The following SEMA4F variants were observed in gnomAD, a reference collection of about 807,000 sequenced individuals.
SEMA4F encodes semaphorin-4F.
Under a neutral mutation model 78.4 loss-of-function variants are expected in SEMA4F, and 51 were observed. That is an observed-to-expected ratio of 0.65 (90% CI 0.52 to 0.82). SEMA4F has a LOEUF of 0.82. SEMA4F is among the 40% of genes least tolerant of loss of function. SEMA4F has a pLI of 0.00. For missense variants in SEMA4F, 938 were observed against 1,014.4 expected (o/e 0.92, Z 1.02); for synonymous variants, 418 against 408.7 (o/e 1.02, Z -0.27).
intron 5 of SEMA4F, among the ~76,000 whole-genome samples, chr2:74,665,220 CTCTTTT>C (rs1294780750): frequency 1.3e-5 from 2 of 149,530 alleles, no homozygotes. Context: ...AATTAAATCA[CTCTTTT>C]TCTTTTTTTT....
rs757637185 is a variant in SEMA4F at position 74,656,554 on chromosome 2, C to T, written c.166C>T (p.Arg56Trp). The T allele has an allele frequency of 2.0e-5, 32 of 1,613,824 alleles. No individual in the cohort carries two copies. The highest frequency in any genetic ancestry group is 4.5e-5 in the East Asian group (2 of 44,892). Reference sequence around the variant, plus strand: ...GCCAGAGGCTGACTCCTGTCTCACCCGGTTCGCAGTCCCTCACACATACAA... The same window carrying T: ...GCCAGAGGCTGACTCCTGTCTCACCTGGTTCGCAGTCCCTCACACATACAA... Reference protein sequence around the residue: ...PISEADSCLTRFAVPHTYNYS... With the variant: ...PISEADSCLTWFAVPHTYNYS... The change falls in exon 2 of 14, where the codon CGG (arginine) becomes TGG (tryptophan). Residue 56 changes from arginine to tryptophan, a missense_variant. Arg to Trp is a moderately radical substitution (Grantham distance 101). Transcript: ENST00000357877.
chr2:74,675,163 G>A lies in SEMA4F; in HGVS notation c.1151G>A (p.Cys384Tyr). Residue 384 changes from cysteine (C) to tyrosine (Y), a missense_variant and splice_region_variant, in exon 10 of 14, where the codon TGC (cysteine) becomes TAC (tyrosine). By Grantham distance (194) the Cys-to-Tyr change is radical (BLOSUM62 -2). Coordinates refer to ENST00000357877, the MANE Select transcript of SEMA4F (RefSeq NM_004263.5). ...TCACCAGCCCTGTATTTCCTCTAGT[G>A]CATCACCAACAACATGAAGCTCCGG... The part of the protein sequence containing the change: ...NDVPQPRPGE[C>Y]ITNNMKLRHF... 4 of 1,614,094 alleles carry A rather than the reference G, an allele frequency of 2.5e-6. No homozygotes were observed. The highest frequency in any genetic ancestry group is 3.4e-6 in the Non-Finnish European group (4 of 1,180,010).
intron 1 of SEMA4F, chr2:74,655,334 G>A (rs1272039457): frequency 3.3e-5 from 13 of 392,558 alleles, no homozygotes; most frequent in Middle Eastern, 3.6e-4. Context: ...GCTAGGAGAC[G>A]TCACAAGGTT....
At chr2:74,665,228 C>CTTTTT (rs11348861) in intron 5 of SEMA4F, among the ~76,000 whole-genome samples, 2 of 128,678 alleles carry the variant, frequency 1.6e-5, no homozygotes, top group African/African-American at 5.9e-5. Flanking sequence ...CACTCTTTTT[C>CTTTTT]TTTTTTTTTT....
At chr2:74,660,917 G>C (rs1276832219) in intron 4 of SEMA4F, among the ~76,000 whole-genome samples, 1 of 152,186 alleles carries the variant, frequency 6.6e-6, no homozygotes, top group African/African-American at 2.4e-5. Flanking sequence ...AGAATATCTG[G>C]CTGGAAAGAA....
At chr2:74,674,394 T>C in intron 7 of SEMA4F, 104 bp from the exon 8 acceptor site, 1 of 1,002,630 alleles carries the variant, frequency 1.0e-6, no homozygotes, top group South Asian at 1.6e-5. Flanking sequence ...TCTCCCCATC[T>C]GTCTGTCTGC....
Position 74,658,274 on chromosome 2 carries a change from A to G in SEMA4F, c.456+323A>G, listed in dbSNP as rs1338954864. ...CAACAAATCCAGGGAGAGACTTCAG[A>G]AACCAGAAACTCATGTTTCCCTTGC... is the stretch of plus-strand genomic sequence containing the variant. On this transcript the variant is annotated intron_variant, in intron 4 of 13. Transcript: ENST00000357877. This position sits in a 1 kb window ranked among gnomAD's most constrained non-coding sequence, Gnocchi z 4.3. 6.6e-6 allele frequency among the ~76,000 whole-genome samples: 1 copy of G among 152,208 alleles called. No individual in the cohort carries two copies. The highest frequency in any genetic ancestry group is 1.5e-5 in the Non-Finnish European group (1 of 68,032).
chr2:74,657,488 C>G, intron 2 of SEMA4F, 77 bp from the exon 3 acceptor site: 1 of 1,383,894 alleles, frequency 7.2e-7, no homozygotes, highest in Non-Finnish European at 1.0e-6. Flanking sequence ...GGTTATAGAA[C>G]AGTTTAATCT....
the SEMA4F span, among the ~76,000 whole-genome samples, chr2:74,706,533 C>A: frequency 6.6e-6 from 1 of 152,226 alleles, no homozygotes; most frequent in South Asian, 2.1e-4. Flanking sequence ...TTTCAGGAAT[C>A]AGCAATTGAG....
intron 12 of SEMA4F, 61 bp downstream of exon 12, chr2:74,675,970 C>T (rs540548662): frequency 4.5e-5 from 69 of 1,523,736 alleles, no homozygotes; most frequent in Admixed American, 4.1e-4. Flanking sequence ...ATCCATATGT[C>T]TACGTTTCTC....
chr2:74,695,068 AT>A, the SEMA4F span, among the ~76,000 whole-genome samples: 2 of 152,148 alleles, frequency 1.3e-5, no homozygotes, highest in Middle Eastern at 3.4e-3. Flanking sequence ...TGGGAGGAGA[AT>A]TTTTTTTATT....
At chr2:74,669,584 C>T (rs567610845) in intron 5 of SEMA4F, among the ~76,000 whole-genome samples, 3 of 148,138 alleles carry the variant, frequency 2.0e-5, no homozygotes, top group African/African-American at 7.9e-5. Context: ...GACTCTGTCT[C>T]AAACAACAAC....
chr2:74,655,112 T>C lies in SEMA4F; in HGVS notation c.145+591T>C, dbSNP rs185007190. On this transcript the variant is annotated intron_variant, in intron 1 of 13. Coordinates refer to ENST00000357877, the MANE Select transcript of SEMA4F (RefSeq NM_004263.5). ...GACAGCCCTTCCCGCTCCCCTGACA[T>C]CTCTGACAGCAGCTCCCATTCTCCC... Among the ~76,000 whole-genome samples, 36 of 152,312 alleles carry C rather than the reference T, an allele frequency of 2.4e-4. No individual in the cohort carries two copies. In the East Asian group the frequency reaches 6.4e-3, roughly 27 times the overall value.
chr2:74,673,590 GA>G lies in SEMA4F; in HGVS notation c.670+15del. 6.2e-7 allele frequency: 1 copy of G among 1,614,118 alleles called. No individual in the cohort carries two copies. The highest frequency in any genetic ancestry group is 8.5e-7 in the Non-Finnish European group (1 of 1,179,994). On this transcript the variant is annotated intron_variant, in intron 6 of 13. Coordinates refer to ENST00000357877, the MANE Select transcript of SEMA4F (RefSeq NM_004263.5). Reference sequence around the variant, plus strand: ...CCTGGCTGAACGGTGGGGAGAGGGAGAGGGGTCCTCTGGGGAGACCGATGGG... The same window carrying G: ...CCTGGCTGAACGGTGGGGAGAGGGAGGGGGTCCTCTGGGGAGACCGATGGG...
the SEMA4F span, among the ~76,000 whole-genome samples, chr2:74,691,328 T>C: frequency 6.6e-6 from 1 of 152,214 alleles, no homozygotes; most frequent in Admixed American, 6.5e-5. Flanking sequence ...CTTTCAGAGA[T>C]GCATTACATG....
chr2:74,689,452 A>G, the SEMA4F span, among the ~76,000 whole-genome samples: 30 of 152,312 alleles, frequency 2.0e-4, no homozygotes, highest in Middle Eastern at 6.8e-3. Context: ...GGTAATATCT[A>G]TTGAAAACTT....
chr2:74,691,959 G>C, the SEMA4F span, among the ~76,000 whole-genome samples: 1 of 152,270 alleles, frequency 6.6e-6, no homozygotes, highest in South Asian at 2.1e-4. Flanking sequence ...GCTCCTGTCG[G>C]GGGTAACAGT....
the SEMA4F span, among the ~76,000 whole-genome samples, chr2:74,695,405 C>T: frequency 0.034 from 5,201 of 152,274 alleles, 263 homozygotes; most frequent in African/African-American, 0.11. Context: ...CCTGTCTGGA[C>T]TTTTGTCGTC....
chr2:74,701,136 A>T, the SEMA4F span, among the ~76,000 whole-genome samples: 1 of 152,196 alleles, frequency 6.6e-6, no homozygotes, highest in Middle Eastern at 3.4e-3. Flanking sequence ...TGTTGAGGTT[A>T]CTGAGCTGGA....
Sources: gnomAD v4.1 joint callset for allele counts (sites outside exome capture counted in the v4.1 genomes callset) on GRCh38, gnomAD v4.1.1 for gene constraint, Gnocchi (gnomAD v3.1) non-coding constraint, MANE v1.5 for transcripts, NCBI Gene and HGNC (gene_info 2026-07-23, HGNC 2026-07-21) for gene names.